The following SLC12A3 variants were observed in gnomAD, a reference collection of about 807,000 sequenced individuals.
SLC12A3 encodes Na-Cl cotransporter.
Under a neutral mutation model 121.0 loss-of-function variants are expected in SLC12A3, and 104 were observed. That is an observed-to-expected ratio of 0.86 (90% CI 0.73 to 1.01). The LOEUF (loss-of-function observed/expected upper bound fraction) is 1.01. SLC12A3 is among the 50% of genes least tolerant of loss of function. SLC12A3 has a pLI of 0.00. For missense variants in SLC12A3, 1,328 were observed against 1,356.3 expected, an observed-to-expected ratio of 0.98 and a Z score of 0.33; for synonymous variants, 536 against 533.4, an observed-to-expected ratio of 1.00 and a Z score of -0.07.
intron 21 of SLC12A3, among the ~76,000 whole-genome samples, chr16:56,893,679 G>A (rs965961980): frequency 1.3e-5 from 2 of 152,174 alleles, no homozygotes; most frequent in African/African-American, 2.4e-5. Flanking sequence ...CAACAGAGAG[G>A]GATGAGGGCT....
chr16:56,901,729 A>G (rs2055541650), intron 23 of SLC12A3, among the ~76,000 whole-genome samples: 1 of 152,184 alleles, frequency 6.6e-6, no homozygotes, highest in South Asian at 2.1e-4. Flanking sequence ...CAGATAAGGA[A>G]GCCCTGCCCG....
intron 5 of SLC12A3, 144 bp from the exon 6 acceptor site, chr16:56,870,482 G>T: frequency 1.3e-6 from 1 of 760,744 alleles, no homozygotes; most frequent in Non-Finnish European, 2.3e-6. Context: ...CAGCTGCTTT[G>T]GGGACTCGAT....
In SLC12A3 at chr16:56,910,269, TTTG is replaced by T. The variant is rs550582123; in HGVS notation, c.2925-2983_2925-2981del. 3.1e-3 allele frequency among the ~76,000 whole-genome samples: 453 copies of T among 145,092 alleles called. 3 individuals carry two copies. Among genetic ancestry groups the T allele is most frequent in the South Asian group, 4.2e-3 (19 of 4,574 alleles). On this transcript the variant is annotated intron_variant, in intron 25 of 25. Coordinates refer to ENST00000563236, the MANE Select transcript of SLC12A3 (RefSeq NM_001126108.2). ...GCTCACGGCAACCTCTTTGTTTTTTTTTGTTGTTGTTGTTTTTTCTCTTTCTGT... is the reference window on the plus strand; with the variant it reads ...GCTCACGGCAACCTCTTTGTTTTTTTTTGTTGTTGTTTTTTCTCTTTCTGT...
Position 56,903,669 on chromosome 16 carries a change from C to T in SLC12A3, c.2857-726C>T, listed in dbSNP as rs192519004. On this transcript the variant is annotated intron_variant, in intron 24 of 25. Coordinates refer to ENST00000563236, the MANE Select transcript of SLC12A3 (RefSeq NM_001126108.2). Reference sequence around the variant, plus strand: ...CTCTTGGTCTCCAGGATAGGGCATCCGTCCACGATCAGTTCCTGAGTGTCA... The same window carrying T: ...CTCTTGGTCTCCAGGATAGGGCATCTGTCCACGATCAGTTCCTGAGTGTCA... Among the ~76,000 whole-genome samples, 36 of 152,296 alleles carry T rather than the reference C, an allele frequency of 2.4e-4. 1 individual carries two copies. The East Asian group carries it at 5.8e-3, about 24-fold the overall frequency.
At position 56,879,213 on chromosome 16, in the gene SLC12A3, A is replaced by G; in HGVS notation, c.1321A>G (p.Ile441Val). ...GCAGCACAGCTGCCACTACGGCCTC[A>G]TCAACTATTACCAGGTACTGCCAGG... ...TQQHSCHYGL[I>V]NYYQTMSMVS... The change falls in exon 10 of 26, where the codon ATC becomes GTC. Residue 441 changes from isoleucine (I) to valine (V), a missense_variant. By Grantham distance (29) the Ile-to-Val change is conservative (BLOSUM62 3). Transcript: ENST00000563236. 1 of 1,613,930 alleles carries G rather than the reference A, an allele frequency of 6.2e-7. No homozygotes were observed. The highest frequency in any genetic ancestry group is 8.5e-7 in the Non-Finnish European group (1 of 1,180,014).
At chr16:56,866,033 T>C (rs1964346930) in intron 1 of SLC12A3, among the ~76,000 whole-genome samples, 1 of 151,662 alleles carries the variant, frequency 6.6e-6, no homozygotes, top group South Asian at 2.1e-4. Flanking sequence ...TCGCCCAGGC[T>C]GGAGTGCAGT....
intron 18 of SLC12A3, 150 bp from the exon 19 acceptor site, chr16:56,890,124 C>G: frequency 2.8e-6 from 2 of 704,724 alleles, no homozygotes; most frequent in Admixed American, 4.0e-5. Context: ...TCTGCCTGTA[C>G]AGGATACAGA....
intron 8 of SLC12A3, among the ~76,000 whole-genome samples, chr16:56,873,420 C>A (rs1480078342): frequency 3.0e-4 from 17 of 56,704 alleles, no homozygotes; most frequent in Admixed American, 2.0e-3. Context: ...GAGTTTTGCT[C>A]TTGTTGCCCA....
intron 8 of SLC12A3, 24 bp from the exon 9 acceptor site, chr16:56,878,048 CTCCCT>C: frequency 1.4e-6 from 1 of 709,124 alleles, no homozygotes; most frequent in Non-Finnish European, 2.5e-6. Flanking sequence ...CCCTCCCTCC[CTCCCT>C]CCCTCTCTCC....
intron 22 of SLC12A3, among the ~76,000 whole-genome samples, chr16:56,898,013 G>A (rs952497689): frequency 3.9e-5 from 6 of 152,122 alleles, no homozygotes; most frequent in Non-Finnish European, 8.8e-5. Context: ...CTCTCTCCCA[G>A]CACACTCCAT....
At chr16:56,881,347 T>C (rs572399806) in intron 12 of SLC12A3, among the ~76,000 whole-genome samples, 60 of 152,084 alleles carry the variant, frequency 3.9e-4, no homozygotes, top group South Asian at 1.2e-3. Flanking sequence ...TGGTCAGACT[T>C]GATGTTCCCC....
rs775184679 is a variant in SLC12A3, at chr16:56,893,065, C to G, written c.2521+11C>G. 1 of 1,605,842 alleles carries G rather than the reference C, an allele frequency of 6.2e-7. No individual in the cohort carries two copies. Among genetic ancestry groups the G allele is most frequent in the South Asian group, 1.1e-5 (1 of 90,906 alleles). On this transcript the variant is annotated intron_variant, in intron 21 of 25. Coordinates refer to ENST00000563236, the MANE Select transcript of SLC12A3 (RefSeq NM_001126108.2). The stretch of plus-strand genomic sequence containing the variant: ...TCTTTGACGATGGAGGTCAGTGACC[C>G]CCTTGGATCAGCCCTCCTGCCCGGC...
intron 12 of SLC12A3, among the ~76,000 whole-genome samples, chr16:56,880,860 A>G (rs1200820027): frequency 6.6e-6 from 1 of 152,068 alleles, no homozygotes; most frequent in African/African-American, 2.4e-5. Context: ...TCTGAGCCTC[A>G]TTTTTCTCAT....
intron 24 of SLC12A3, 22 bp from the exon 25 acceptor site, chr16:56,904,373 C>T (rs779209865): frequency 6.2e-7 from 1 of 1,612,206 alleles, no homozygotes; most frequent in Non-Finnish European, 8.5e-7. Flanking sequence ...GGGAAGTGAC[C>T]ACTCGGCTTT....
Position 56,904,454 on chromosome 16 carries a change from C to T in SLC12A3, c.2916C>T (p.Leu972=), listed in dbSNP as rs1350955749. The change falls in exon 25 of 26, where the codon CTC becomes CTT. Residue 972 remains leucine (L), a synonymous_variant. Coordinates refer to ENST00000563236, the MANE Select transcript of SLC12A3 (RefSeq NM_001126108.2). ...TGGATTACTCCCGAGACGCTGCTCT[C>T]ATCGTCATGTAAGTAGTGCCCGGCT... ...IVLDYSRDAA[L]IVITLPIGRK... 3.1e-6 allele frequency: 5 copies of T among 1,613,650 alleles called. No homozygotes were observed. Among genetic ancestry groups the T allele is most frequent in the Non-Finnish European group, 3.4e-6 (4 of 1,179,752 alleles).
At chr16:56,883,040 T>A (rs1397007234) in intron 13 of SLC12A3, among the ~76,000 whole-genome samples, 1 of 152,122 alleles carries the variant, frequency 6.6e-6, no homozygotes, top group East Asian at 1.9e-4. Context: ...TTGCTTACCA[T>A]CTGTAGGGGT....
At position 56,913,420 on chromosome 16, in the gene SLC12A3, A is replaced by G; in HGVS notation, c.*15A>G. ...ACTGCCAGTAACTCCAGGCTTTGAC[A>G]TCCCTGTCCACAGCTCTGAGTGTGT... On this transcript the variant is annotated 3_prime_UTR_variant, in exon 26 of 26. Transcript: ENST00000563236. The G allele has an allele frequency of 6.2e-7, 1 of 1,613,858 alleles. No homozygotes were observed. The highest frequency in any genetic ancestry group is 8.5e-7 in the Non-Finnish European group (1 of 1,179,702).
intron 22 of SLC12A3, among the ~76,000 whole-genome samples, chr16:56,897,856 G>A (rs2055485972): frequency 6.6e-6 from 1 of 152,208 alleles, no homozygotes; most frequent in African/African-American, 2.4e-5. Context: ...GCACTGCCCA[G>A]GCCTGCCAGC....
chr16:56,896,703 C>T (rs1280524558), intron 22 of SLC12A3, among the ~76,000 whole-genome samples: 1 of 152,154 alleles, frequency 6.6e-6, no homozygotes, highest in Admixed American at 6.5e-5. Context: ...GCTATGATTG[C>T]ACCACTGCAC....
Sources: allele counts gnomAD v4.1 joint callset (sites outside exome capture counted in the v4.1 genomes callset), GRCh38; gene constraint gnomAD v4.1.1; transcripts MANE v1.5; gene names NCBI Gene and HGNC (gene_info 2026-07-23, HGNC 2026-07-21).